CAND2: variants seen among roughly 807,000 people sequenced by gnomAD.
CAND2 encodes cullin-associated NEDD8-dissociated protein 2.
In CAND2, 62 loss-of-function variants were observed where a neutral mutation model predicts 98.9. The ratio of observed to expected loss-of-function variants is 0.63; its 90% CI spans 0.51 to 0.77. CAND2 has a LOEUF of 0.77. Ranked by LOEUF, CAND2 falls within the 30% of genes least tolerant of loss-of-function variation. The pLI, the probability that CAND2 is intolerant of heterozygous loss-of-function variation, is 0.00. For missense variants in CAND2, 1,501 were observed against 1,655.2 expected, an observed-to-expected ratio of 0.91 and a Z score of 1.62; for synonymous variants, 770 against 731.9, an observed-to-expected ratio of 1.05 and a Z score of -0.84.
intron 2 of CAND2, among the ~76,000 whole-genome samples, chr3:12,805,257 G>A (rs1201027313): frequency 6.6e-6 from 1 of 151,590 alleles, no homozygotes; most frequent in Non-Finnish European, 1.5e-5. Context: ...GGAGGCCATT[G>A]CTCTTAGTGG....
intron 11 of CAND2, among the ~76,000 whole-genome samples, chr3:12,825,218 C>T (rs1338048457): frequency 6.6e-6 from 1 of 151,550 alleles, no homozygotes; most frequent in Non-Finnish European, 1.5e-5. Flanking sequence ...CAGATGAGGA[C>T]ATTGAGGCTC....
rs1178669236 is a variant in CAND2, at chr3:12,802,990, T to G, written c.69-498T>G. ...GTATAGGGCAGCTCCATTAAAATCT[T>G]TTTTTTTTTTTTTTTTGGAGACGGA... On this transcript the variant is annotated intron_variant, in intron 1 of 14. Coordinates refer to ENST00000456430, the MANE Select transcript of CAND2 (RefSeq NM_001162499.2). 1.3e-4 allele frequency among the ~76,000 whole-genome samples: 19 copies of G among 146,842 alleles called. 1 individual carries two copies. Among genetic ancestry groups the G allele is most frequent in the African/African-American group, 4.0e-4 (16 of 40,344 alleles).
rs943612118 is a variant in CAND2, at chr3:12,834,296, T to C, written c.*314T>C. Reference sequence around the variant, plus strand: ...TAGTCTGTCTGGTTCCTTCAGAGGGTGTCTCTGCCTCACAAACTAGTAGTA... The same window carrying C: ...TAGTCTGTCTGGTTCCTTCAGAGGGCGTCTCTGCCTCACAAACTAGTAGTA... On this transcript the variant is annotated 3_prime_UTR_variant, in exon 15 of 15. Coordinates refer to ENST00000456430, the MANE Select transcript of CAND2 (RefSeq NM_001162499.2). 28 of 340,374 alleles carry C rather than the reference T, an allele frequency of 8.2e-5. No individual in the cohort carries two copies. Among genetic ancestry groups the C allele is most frequent in the African/African-American group, 5.5e-4 (27 of 49,152 alleles). The allele number at this position is 340,374 out of a possible 1,614,324, so 21.1% of individuals were successfully genotyped here.
chr3:12,815,308 G>C lies in CAND2; in HGVS notation c.1174G>C (p.Val392Leu), dbSNP rs751654103. 6.2e-7 allele frequency: 1 copy of C among 1,614,010 alleles called. No individual in the cohort carries two copies. Among genetic ancestry groups the C allele is most frequent in the Non-Finnish European group, 8.5e-7 (1 of 1,180,050 alleles). ...IRRFKEREEN[V>L]KADVFTAYIV... The stretch of plus-strand genomic sequence containing the variant: ...CCGCTTCAAAGAACGCGAGGAGAAC[G>C]TCAAGGCTGACGTCTTCACTGCTTA... Residue 392 changes from valine (V) to leucine (L), a missense_variant, in exon 8 of 15, where the codon GTC (valine) becomes CTC (leucine). This residue lies in a region of CAND2 where 1,427 missense variants were observed against 1,545.3 expected (regional missense o/e 0.92). Transcript: ENST00000456430. This position sits in a 1 kb window ranked among gnomAD's most constrained non-coding sequence, Gnocchi z 5.7.
chr3:12,811,776 TGGTTGGCCA>T (rs536208409), intron 5 of CAND2, among the ~76,000 whole-genome samples: 27 of 152,290 alleles, frequency 1.8e-4, no homozygotes, highest in African/African-American at 5.5e-4. Context: ...TTAACTATGT[TGGTTGGCCA>T]GGTTGGTCTT....
At chr3:12,825,021 C>T (rs756720512) in intron 11 of CAND2, among the ~76,000 whole-genome samples, 5 of 152,192 alleles carry the variant, frequency 3.3e-5, no homozygotes, top group Non-Finnish European at 7.3e-5. Flanking sequence ...AGAGCCTCAC[C>T]TGTAATAACA....
intron 1 of CAND2, among the ~76,000 whole-genome samples, chr3:12,797,774 C>CAG (rs1559545500): frequency 1.3e-5 from 2 of 151,824 alleles, no homozygotes; most frequent in Admixed American, 6.6e-5. Flanking sequence ...GGTTCAGTCA[C>CAG]AGCGAGGAAG....
chr3:12,823,670 C>T (rs770159617), intron 11 of CAND2, among the ~76,000 whole-genome samples: 47 of 152,130 alleles, frequency 3.1e-4, no homozygotes, highest in Non-Finnish European at 6.0e-4. Flanking sequence ...GCAGAGCTTG[C>T]AGTGAGCCGA....
intron 13 of CAND2, among the ~76,000 whole-genome samples, chr3:12,828,559 C>T (rs1381335576): frequency 2.6e-5 from 4 of 152,068 alleles, no homozygotes; most frequent in African/African-American, 9.7e-5. Context: ...CCAGGCTGGT[C>T]TCGAACTCCT....
intron 2 of CAND2, among the ~76,000 whole-genome samples, chr3:12,804,871 A>G (rs1446171616): frequency 6.6e-6 from 1 of 152,240 alleles, no homozygotes; most frequent in Non-Finnish European, 1.5e-5. Context: ...AGAATTCAGT[A>G]AAGGGTTTTA....
At chr3:12,819,876 G>A (rs1321611574) in intron 10 of CAND2, among the ~76,000 whole-genome samples, 1 of 152,190 alleles carries the variant, frequency 6.6e-6, no homozygotes, top group Admixed American at 6.5e-5. Context: ...CTGAGCACTG[G>A]CAGTCCTACT....
chr3:12,803,617 C>A lies in CAND2; in HGVS notation c.198C>A (p.Asn66Lys). The A allele has an allele frequency of 7.5e-6, 12 of 1,608,716 alleles. No individual in the cohort carries two copies. The highest frequency in any genetic ancestry group is 1.0e-5 in the Non-Finnish European group (12 of 1,177,246). The stretch of plus-strand genomic sequence containing the variant: ...AGGACAAGAACGGTGAGGTGCAGAA[C>A]CTGGCTGTCAAGTGGTGAGTGTCAG... ...LLEDKNGEVQ[N>K]LAVKCLGPLV... The change falls in exon 2 of 15, where the codon AAC (asparagine) becomes AAA (lysine). Residue 66 changes from asparagine (N) to lysine (K), a missense_variant. Physicochemically the swap from Asn to Lys is moderately conservative, Grantham distance 94. Around this residue, in one of 3 missense-constraint regions of CAND2, gnomAD observed 12 missense variants for 32.6 expected, o/e 0.37. Coordinates refer to ENST00000456430, the MANE Select transcript of CAND2 (RefSeq NM_001162499.2).
In CAND2 at chr3:12,831,472, CCTT is replaced by C; in HGVS notation, c.3385_3387del (p.Phe1129del). 6.2e-7 allele frequency: 1 copy of C among 1,613,780 alleles called. No individual in the cohort carries two copies. Among genetic ancestry groups the C allele is most frequent in the Non-Finnish European group, 8.5e-7 (1 of 1,179,754 alleles). On this transcript the variant is annotated inframe_deletion, in exon 14 of 15. Coordinates refer to ENST00000456430, the MANE Select transcript of CAND2 (RefSeq NM_001162499.2). ...TCTCCTTCCTCTGGGCAGATGCTGACCTTCATCATGGTTGCCCGGCTGGCCACC... is the reference window on the plus strand; with the variant it reads ...TCTCCTTCCTCTGGGCAGATGCTGACCATCATGGTTGCCCGGCTGGCCACC...
chr3:12,820,941 TGGG>T (rs1345114637), intron 11 of CAND2, among the ~76,000 whole-genome samples: 2 of 152,066 alleles, frequency 1.3e-5, no homozygotes, highest in Non-Finnish European at 2.9e-5. Flanking sequence ...AGCTATAAAA[TGGG>T]GGTGCTGGGC....
In CAND2 at chr3:12,810,207, C is replaced by G. The variant is rs1251324071; in HGVS notation, c.640C>G (p.Leu214Val). The change falls in exon 5 of 15, where the codon CTC becomes GTC. Residue 214 changes from leucine (L) to valine (V), a missense_variant. By Grantham distance (32) the Leu-to-Val change is conservative. This residue lies in a region of CAND2 where 1,427 missense variants were observed against 1,545.3 expected (regional missense o/e 0.92). Coordinates refer to ENST00000456430, the MANE Select transcript of CAND2 (RefSeq NM_001162499.2). ...AACSTDLFVE[L>V]ADHLLDRLPG... ...CTGCAGCACCGACCTCTTCGTCGAG[C>G]TCGCTGACCACCTACTGGACCGGCT... is the stretch of plus-strand genomic sequence containing the variant. 1.3e-6 allele frequency: 2 copies of G among 1,542,668 alleles called. No homozygotes were observed. The highest frequency in any genetic ancestry group is 2.5e-5 in the East Asian group (1 of 40,058).
chr3:12,807,555 G>T, intron 3 of CAND2, 95 bp downstream of exon 3: 1 of 1,268,450 alleles, frequency 7.9e-7, no homozygotes, highest in Non-Finnish European at 1.1e-6. Flanking sequence ...CTGAGGCTCA[G>T]AGAGTTGAAG....
intron 10 of CAND2, among the ~76,000 whole-genome samples, chr3:12,818,290 A>G (rs1441115495): frequency 6.6e-6 from 1 of 152,074 alleles, no homozygotes; most frequent in Non-Finnish European, 1.5e-5. Flanking sequence ...AAAAAACCTC[A>G]TGATGCCAAC....
At position 12,816,804 on chromosome 3, in the gene CAND2, G is replaced by A. The variant is rs1559553687; in HGVS notation, c.1872G>A (p.Glu624=). Residue 624 remains glutamate, a synonymous_variant, in exon 10 of 15, where the codon GAG becomes GAA. Transcript: ENST00000456430. ...LLLLLDRLRN[E]ITRLPAIKAL... is the part of the protein sequence containing the mutation. ...TCCTCCTGGACCGCCTGCGGAATGA[G>A]ATCACCCGGCTGCCCGCCATCAAGG... 6.2e-7 allele frequency: 1 copy of A among 1,613,682 alleles called. No individual in the cohort carries two copies.
chr3:12,828,842 C>T (rs929262765), intron 13 of CAND2, among the ~76,000 whole-genome samples: 1 of 152,116 alleles, frequency 6.6e-6, no homozygotes, highest in Non-Finnish European at 1.5e-5. Context: ...CTTTTGTGAC[C>T]AACTTGTTTC....
Sources: gnomAD v4.1 joint callset for allele counts (sites outside exome capture counted in the v4.1 genomes callset) on GRCh38, gnomAD v4.1.1 for gene constraint, gnomAD v4.1.1 regional missense constraint, Gnocchi (gnomAD v3.1) non-coding constraint, MANE v1.5 for transcripts, NCBI Gene and HGNC (gene_info 2026-07-23, HGNC 2026-07-21) for gene names.